CNTNAP5: variants seen among roughly 807,000 people sequenced by gnomAD.
The protein encoded by CNTNAP5 is contactin associated protein family member 5.
In CNTNAP5, 72 loss-of-function variants were observed where a neutral mutation model predicts 150.2. The ratio of observed to expected loss-of-function variants is 0.48; its 90% CI spans 0.40 to 0.58. CNTNAP5 has a LOEUF of 0.58. Ranked by LOEUF, CNTNAP5 falls within the 20% of genes least tolerant of loss-of-function variation. The pLI is 0.00. For missense variants in CNTNAP5, 1,636 were observed against 1,626.2 expected, an observed-to-expected ratio of 1.01 and a Z score of -0.10; for synonymous variants, 672 against 619.8, an observed-to-expected ratio of 1.08 and a Z score of -1.25.
intron 3 of CNTNAP5, among the ~76,000 whole-genome samples, chr2:124,345,734 A>G (rs1012373144): frequency 3.9e-5 from 6 of 152,182 alleles, no homozygotes; most frequent in East Asian, 3.9e-4. Flanking sequence ...TTGAAGTGAC[A>G]TTGCCACAAT....
intron 3 of CNTNAP5, among the ~76,000 whole-genome samples, chr2:124,329,306 T>C (rs980753202): frequency 2.0e-5 from 3 of 152,236 alleles, no homozygotes. Context: ...AGGTGGTTAA[T>C]CTTTCCAGGT....
chr2:124,192,083 G>A (rs1685471990), intron 1 of CNTNAP5, among the ~76,000 whole-genome samples: 1 of 152,088 alleles, frequency 6.6e-6, no homozygotes, highest in Non-Finnish European at 1.5e-5. Context: ...CTTAAGTGTG[G>A]AGCAGGATGC....
chr2:124,438,282 T>C (rs912383425), intron 5 of CNTNAP5, among the ~76,000 whole-genome samples: 5 of 152,298 alleles, frequency 3.3e-5, no homozygotes, highest in African/African-American at 1.2e-4. Context: ...CCTTTCTCAC[T>C]TTTTACACAT....
At chr2:124,216,395 AATT>A (rs1375804356) in intron 1 of CNTNAP5, among the ~76,000 whole-genome samples, 1 of 152,092 alleles carries the variant, frequency 6.6e-6, no homozygotes, top group African/African-American at 2.4e-5. Context: ...TTTTTTTTAA[AATT>A]ATTATTATAC....
At chr2:124,358,335 A>G (rs1388158947) in intron 3 of CNTNAP5, among the ~76,000 whole-genome samples, 2 of 152,236 alleles carry the variant, frequency 1.3e-5, no homozygotes, top group East Asian at 1.9e-4. Flanking sequence ...AACTTCCAAC[A>G]CTACGTTGAA....
At chr2:124,188,416 G>T (rs1319327303) in intron 1 of CNTNAP5, among the ~76,000 whole-genome samples, 3 of 151,980 alleles carry the variant, frequency 2.0e-5, no homozygotes. Context: ...ATTTATAAAA[G>T]AAGGAACAAA....
At chr2:124,695,655 A>T (rs565652850) in intron 13 of CNTNAP5, among the ~76,000 whole-genome samples, 4 of 152,300 alleles carry the variant, frequency 2.6e-5, no homozygotes, top group Admixed American at 2.0e-4. Flanking sequence ...ACATATCTCA[A>T]GAAAGTCTGT....
intron 1 of CNTNAP5, among the ~76,000 whole-genome samples, chr2:124,053,464 C>T: frequency 6.6e-6 from 1 of 152,202 alleles, no homozygotes; most frequent in East Asian, 1.9e-4. Context: ...AGGTAAAGAA[C>T]ATGAGAGACA....
intron 1 of CNTNAP5, among the ~76,000 whole-genome samples, chr2:124,128,251 G>A (rs562501179): frequency 3.8e-4 from 58 of 152,228 alleles, no homozygotes; most frequent in Admixed American, 3.4e-3. Context: ...AGTGGGCAAA[G>A]GATATGAACA....
chr2:124,270,475 G>A lies in CNTNAP5; in HGVS notation c.381+28082G>A, dbSNP rs544469341. 5.3e-5 allele frequency among the ~76,000 whole-genome samples: 8 copies of A among 152,286 alleles called. No individual in the cohort carries two copies. In the East Asian group the frequency reaches 1.5e-3, roughly 29 times the overall value. ...GAAATGACAAAAATAAAGCTCCTAG[G>A]TCAGGGGCTGGCAGGAGGTGAGTGT... On this transcript the variant is annotated intron_variant, in intron 3 of 23. Transcript: ENST00000682447.
At chr2:124,586,843 A>G (rs1696548998) in intron 11 of CNTNAP5, among the ~76,000 whole-genome samples, 1 of 152,226 alleles carries the variant, frequency 6.6e-6, no homozygotes. Context: ...AGACTCTGAT[A>G]CTGAAATAAG....
At chr2:124,126,542 C>G (rs1390791779) in intron 1 of CNTNAP5, among the ~76,000 whole-genome samples, 1 of 152,132 alleles carries the variant, frequency 6.6e-6, no homozygotes, top group Non-Finnish European at 1.5e-5. Flanking sequence ...AGAGGGAATC[C>G]TTCTTAACTC....
chr2:124,769,980 TTTTTATTGAATTTTACTGA>T (rs1429598879), intron 16 of CNTNAP5, among the ~76,000 whole-genome samples: 4 of 152,110 alleles, frequency 2.6e-5, no homozygotes, highest in African/African-American at 4.8e-5. Context: ...ATATTAACTA[TTTTTATTGAATTTTACTGA>T]TTTTATTGAA....
chr2:124,347,049 C>T (rs1272050933), intron 3 of CNTNAP5, among the ~76,000 whole-genome samples: 1 of 151,980 alleles, frequency 6.6e-6, no homozygotes, highest in Non-Finnish European at 1.5e-5. Context: ...GATCATGCCA[C>T]TGCACTCCAG....
At chr2:124,579,727 G>C (rs1696368904) in intron 11 of CNTNAP5, among the ~76,000 whole-genome samples, 1 of 152,212 alleles carries the variant, frequency 6.6e-6, no homozygotes, top group Non-Finnish European at 1.5e-5. Flanking sequence ...GTGATCGTGA[G>C]GGCACCATAA....
chr2:124,327,745 C>A (rs1193550369), intron 3 of CNTNAP5, among the ~76,000 whole-genome samples: 1 of 152,048 alleles, frequency 6.6e-6, no homozygotes, highest in Non-Finnish European at 1.5e-5. Flanking sequence ...GTTGTCCTGC[C>A]CTTCCAGATC....
chr2:124,683,409 TG>T (rs943715194), intron 13 of CNTNAP5, among the ~76,000 whole-genome samples: 11 of 152,164 alleles, frequency 7.2e-5, no homozygotes, highest in African/African-American at 2.7e-4. Flanking sequence ...CAGTTTTTTT[TG>T]GGGAGAAAAG....
chr2:124,299,656 C>T (rs1412595430), intron 3 of CNTNAP5, among the ~76,000 whole-genome samples: 8 of 152,024 alleles, frequency 5.3e-5, no homozygotes, highest in Admixed American at 4.6e-4. Flanking sequence ...CATGTGCGTG[C>T]GTGTGTGTAG....
intron 12 of CNTNAP5, among the ~76,000 whole-genome samples, chr2:124,631,800 A>G (rs74536300): frequency 6.9e-4 from 105 of 152,358 alleles, no homozygotes; most frequent in African/African-American, 2.4e-3. Context: ...ACAGAATGGG[A>G]GAACATTTCT....
Sources: gnomAD v4.1 joint callset for allele counts (sites outside exome capture counted in the v4.1 genomes callset) on GRCh38, gnomAD v4.1.1 for gene constraint, MANE v1.5 for transcripts, NCBI Gene and HGNC (gene_info 2026-07-23, HGNC 2026-07-21) for gene names.